Variants in FAM81B observed in about 807,000 individuals in gnomAD.
The protein encoded by FAM81B is protein FAM81B.
A neutral mutation model predicts 58.7 loss-of-function variants in FAM81B; 60 were observed. That is an observed-to-expected ratio of 1.02 (90% CI 0.83 to 1.27). FAM81B has a LOEUF of 1.27. Among genes scored for constraint, FAM81B ranks in the 50% most tolerant of loss-of-function variants. The probability of loss-of-function intolerance (pLI) is 0.00; values close to 1 mark genes in which losing one functional copy is unlikely to be tolerated. For missense variants in FAM81B, 491 were observed against 522.0 expected (o/e 0.94, Z 0.58); for synonymous variants, 189 against 179.6 (o/e 1.05, Z -0.42).
intron 3 of FAM81B, among the ~76,000 whole-genome samples, chr5:95,397,658 CAA>C (rs1166695209): frequency 2.0e-5 from 3 of 152,108 alleles, no homozygotes. Context: ...AAAATGAAGA[CAA>C]AGAGGAAGAA....
chr5:95,446,724 C>G (rs1453292730), intron 8 of FAM81B, 27 bp downstream of exon 8: 3 of 1,608,182 alleles, frequency 1.9e-6, no homozygotes, highest in Non-Finnish European at 2.5e-6. Flanking sequence ...TTTTGTGAAG[C>G]AAGCACCTGC....
chr5:95,419,006 A>G (rs1454961171), intron 4 of FAM81B, among the ~76,000 whole-genome samples: 1 of 152,180 alleles, frequency 6.6e-6, no homozygotes, highest in Non-Finnish European at 1.5e-5. Flanking sequence ...AGGTAGCTAT[A>G]TACCTTTACT....
At chr5:95,426,725 T>C (rs760212753) in intron 5 of FAM81B, among the ~76,000 whole-genome samples, 1 of 152,056 alleles carries the variant, frequency 6.6e-6, no homozygotes, top group Non-Finnish European at 1.5e-5. Flanking sequence ...TTTTTTCAGA[T>C]GAGGAAAACT....
chr5:95,425,141 G>C (rs937958198), intron 5 of FAM81B, among the ~76,000 whole-genome samples: 1 of 149,280 alleles, frequency 6.7e-6, no homozygotes, highest in Non-Finnish European at 1.5e-5. Context: ...AGAACTAATA[G>C]AAGGCCCTGA....
chr5:95,398,343 C>T (rs1011805276), intron 3 of FAM81B, among the ~76,000 whole-genome samples: 12 of 151,946 alleles, frequency 7.9e-5, no homozygotes, highest in African/African-American at 1.2e-4. Context: ...CACTTGAACC[C>T]GGGAGGTGGA....
At chr5:95,395,533 C>T (rs1038644513) in intron 2 of FAM81B, among the ~76,000 whole-genome samples, 2 of 151,476 alleles carry the variant, frequency 1.3e-5, no homozygotes, top group Non-Finnish European at 2.9e-5. Flanking sequence ...CATAAAAATG[C>T]TGCAAATTAT....
At chr5:95,402,630 G>A (rs998679417) in intron 3 of FAM81B, among the ~76,000 whole-genome samples, 2 of 152,106 alleles carry the variant, frequency 1.3e-5, no homozygotes, top group African/African-American at 4.8e-5. Context: ...GTCTTCCTTC[G>A]ATGGGCCAAA....
chr5:95,400,568 G>T (rs935451203), intron 3 of FAM81B, among the ~76,000 whole-genome samples: 3 of 152,076 alleles, frequency 2.0e-5, no homozygotes, highest in Admixed American at 2.0e-4. Flanking sequence ...TCCAAATAAG[G>T]TCACATACTG....
At chr5:95,441,042 T>TAATTC (rs1745321944) in intron 7 of FAM81B, among the ~76,000 whole-genome samples, 1 of 152,096 alleles carries the variant, frequency 6.6e-6, no homozygotes, top group African/African-American at 2.4e-5. Flanking sequence ...AACGCCAAGG[T>TAATTC]AATTCCGTCT....
intron 8 of FAM81B, 109 bp from the exon 9 acceptor site, chr5:95,448,160 T>G (rs1745654549): frequency 9.3e-7 from 1 of 1,070,712 alleles, no homozygotes; most frequent in East Asian, 2.6e-5. Flanking sequence ...GAACTTGGTT[T>G]GAATTTTCAT....
chr5:95,393,886 C>T (rs1761896000), intron 2 of FAM81B, among the ~76,000 whole-genome samples: 1 of 152,056 alleles, frequency 6.6e-6, no homozygotes, highest in African/African-American at 2.4e-5. Context: ...AAAAAATTCC[C>T]ATAGTGGCCA....
At chr5:95,412,216 C>CT (rs1458518894) in intron 3 of FAM81B, among the ~76,000 whole-genome samples, 1 of 151,980 alleles carries the variant, frequency 6.6e-6, no homozygotes, top group African/African-American at 2.4e-5. Context: ...TAGCACTGCT[C>CT]TTTTTGAAAT....
At chr5:95,435,168 T>C (rs1745051659) in intron 6 of FAM81B, among the ~76,000 whole-genome samples, 1 of 152,336 alleles carries the variant, frequency 6.6e-6, no homozygotes, top group East Asian at 1.9e-4. Flanking sequence ...GTGATGGATT[T>C]TGAGCACAGT....
chr5:95,405,458 GT>G (rs1325743077), intron 3 of FAM81B, among the ~76,000 whole-genome samples: 8 of 151,706 alleles, frequency 5.3e-5, no homozygotes, highest in African/African-American at 1.9e-4. Flanking sequence ...ATACCTAATG[GT>G]TCTACTTACT....
chr5:95,441,370 A>G (rs1304578172), intron 7 of FAM81B, among the ~76,000 whole-genome samples: 1 of 152,034 alleles, frequency 6.6e-6, no homozygotes, highest in African/African-American at 2.4e-5. Flanking sequence ...AGAGATGGAG[A>G]CCATCCTGGC....
At chr5:95,439,446 A>G (rs1745241630) in intron 7 of FAM81B, among the ~76,000 whole-genome samples, 1 of 151,764 alleles carries the variant, frequency 6.6e-6, no homozygotes, top group Non-Finnish European at 1.5e-5. Context: ...TACTATTTGA[A>G]TATTCTGTGA....
chr5:95,414,942 T>C (rs1762499176), intron 4 of FAM81B, among the ~76,000 whole-genome samples: 1 of 152,232 alleles, frequency 6.6e-6, no homozygotes, highest in South Asian at 2.1e-4. Flanking sequence ...ATATAATCTC[T>C]ATAAAGTCAA....
rs780408975 is a variant in FAM81B, at chr5:95,428,702, G to C, written c.756G>C (p.Leu252=). The part of the protein sequence containing the change: ...EKAIQEFVPA[L]ETLSKNLDMK... ...CCATTCAAGAATTCGTGCCCGCCCT[G>C]GAAACTCTTTCCAAGAACTTGGACA... Residue 252 remains leucine (L), a synonymous_variant, in exon 6 of 10, where the codon CTG becomes CTC. Transcript: ENST00000283357. 2.5e-6 allele frequency: 4 copies of C among 1,613,786 alleles called. No homozygotes were observed. In the African/African-American group the frequency reaches 5.3e-5, roughly 22 times the overall value.
intron 3 of FAM81B, among the ~76,000 whole-genome samples, chr5:95,401,556 G>A (rs1582785353): frequency 1.3e-5 from 2 of 151,138 alleles, no homozygotes; most frequent in African/African-American, 4.9e-5. Context: ...TTTTTGTGAG[G>A]CATCAAAATA....
Sources: allele counts gnomAD v4.1 joint callset (sites outside exome capture counted in the v4.1 genomes callset), GRCh38; gene constraint gnomAD v4.1.1; transcripts MANE v1.5; gene names NCBI Gene and HGNC (gene_info 2026-07-23, HGNC 2026-07-21).